The following DYNC1I1 variants were observed in gnomAD, a reference collection of about 807,000 sequenced individuals.
DYNC1I1 encodes the protein dynein cytoplasmic 1 intermediate chain 1, also known as cytoplasmic dynein 1 intermediate chain 1.
In DYNC1I1, 43 loss-of-function variants were observed where a neutral mutation model predicts 86.6. That is an observed-to-expected ratio of 0.50 (90% CI 0.39 to 0.64). The LOEUF (loss-of-function observed/expected upper bound fraction) is 0.64, where lower values mean the gene tolerates loss of function less well. Ranked by LOEUF, DYNC1I1 falls within the 30% of genes least tolerant of loss-of-function variation. The pLI is 0.00. For missense variants in DYNC1I1, 604 were observed against 788.8 expected, an observed-to-expected ratio of 0.77 and a Z score of 2.81; for synonymous variants, 262 against 283.7, an observed-to-expected ratio of 0.92 and a Z score of 0.77.
At chr7:96,026,038 A>T (rs1308440964) in intron 10 of DYNC1I1, among the ~76,000 whole-genome samples, 1 of 152,208 alleles carries the variant, frequency 6.6e-6, no homozygotes, top group Non-Finnish European at 1.5e-5. Context: ...CTCCAGCAAC[A>T]TAAGAATTTC....
intron 5 of DYNC1I1, among the ~76,000 whole-genome samples, chr7:95,844,231 C>A (rs979655671): frequency 6.6e-6 from 1 of 152,042 alleles, no homozygotes; most frequent in Non-Finnish European, 1.5e-5. Flanking sequence ...TCAGAAGCCT[C>A]GTGATTATAT....
At chr7:95,803,637 A>AT (rs1252364845) in intron 1 of DYNC1I1, among the ~76,000 whole-genome samples, 1 of 152,060 alleles carries the variant, frequency 6.6e-6, no homozygotes, top group Non-Finnish European at 1.5e-5. Flanking sequence ...ATTCTTTGGT[A>AT]TTTTTTTCCT....
intron 14 of DYNC1I1, among the ~76,000 whole-genome samples, chr7:96,047,455 A>G (rs1789252674): frequency 6.6e-6 from 1 of 152,218 alleles, no homozygotes; most frequent in African/African-American, 2.4e-5. Context: ...CTGAGGCGTG[A>G]GAACAGGATG....
At chr7:96,098,487 C>T (rs1301094379), downstream of DYNC1I1, 1 of 916,652 alleles carries the variant, frequency 1.1e-6, no homozygotes, top group Non-Finnish European at 1.3e-6. Context: ...TCTGCTGGGA[C>T]AAGAGATGGG....
At chr7:95,795,066 T>C (rs2706889) in intron 1 of DYNC1I1, among the ~76,000 whole-genome samples, 66,658 of 152,046 alleles carry the variant, frequency 0.44, 15,701 homozygotes, top group African/African-American at 0.6. Flanking sequence ...TTCAGAGGAA[T>C]GCTTTTCCTT....
At chr7:95,786,086 T>C (rs1794137942) in intron 1 of DYNC1I1, among the ~76,000 whole-genome samples, 1 of 152,072 alleles carries the variant, frequency 6.6e-6, no homozygotes, top group South Asian at 2.1e-4. Context: ...GACTCTTACA[T>C]GTTCTAAAAA....
intron 6 of DYNC1I1, among the ~76,000 whole-genome samples, chr7:95,932,581 C>T (rs1791926529): frequency 1.3e-5 from 2 of 152,206 alleles, no homozygotes; most frequent in African/African-American, 2.4e-5. Context: ...GTCAAGATCA[C>T]ACTGCATATA....
At chr7:96,107,733 T>C (rs1228044512) in intron 16 of DYNC1I1, among the ~76,000 whole-genome samples, 1 of 151,868 alleles carries the variant, frequency 6.6e-6, no homozygotes, top group African/African-American at 2.4e-5. Context: ...GGTTTCACCA[T>C]GTTAGGCTGG....
chr7:95,807,539 T>C (rs928873730), intron 2 of DYNC1I1, among the ~76,000 whole-genome samples: 1 of 152,094 alleles, frequency 6.6e-6, no homozygotes, highest in Non-Finnish European at 1.5e-5. Context: ...AAAATCCACA[T>C]TCCAGTCAGA....
intron 10 of DYNC1I1, among the ~76,000 whole-genome samples, chr7:96,023,483 C>T (rs1794603370): frequency 6.6e-6 from 1 of 152,180 alleles, no homozygotes; most frequent in African/African-American, 2.4e-5. Flanking sequence ...GAAGTACCAT[C>T]TCTAAGCTGG....
intron 6 of DYNC1I1, among the ~76,000 whole-genome samples, chr7:95,873,223 A>G (rs1186755627): frequency 6.6e-6 from 1 of 152,192 alleles, no homozygotes; most frequent in East Asian, 1.9e-4. Context: ...GAGTAATGCA[A>G]TAAAGAGGCC....
At chr7:95,896,398 A>T (rs891137168) in intron 6 of DYNC1I1, among the ~76,000 whole-genome samples, 2 of 152,220 alleles carry the variant, frequency 1.3e-5, no homozygotes, top group African/African-American at 4.8e-5. Context: ...ATGCGTGCTT[A>T]TATTACTTAA....
At chr7:95,925,047 T>C (rs1299175092) in intron 6 of DYNC1I1, among the ~76,000 whole-genome samples, 2 of 152,196 alleles carry the variant, frequency 1.3e-5, no homozygotes, top group South Asian at 2.1e-4. Flanking sequence ...TTTCTGTTGG[T>C]ATTCACAGAA....
At chr7:95,787,602 T>C (rs778020302) in intron 1 of DYNC1I1, among the ~76,000 whole-genome samples, 11 of 152,194 alleles carry the variant, frequency 7.2e-5, no homozygotes, top group Non-Finnish European at 1.5e-4. Context: ...TGCAGCCATA[T>C]TTATTCATTC....
chr7:95,961,609 G>T (rs1409405856), intron 6 of DYNC1I1, among the ~76,000 whole-genome samples: 1 of 152,136 alleles, frequency 6.6e-6, no homozygotes, highest in South Asian at 2.1e-4. Context: ...TCCCTGTATA[G>T]TAGGAGGTAA....
chr7:95,783,072 T>C (rs1391559856), intron 1 of DYNC1I1, among the ~76,000 whole-genome samples: 3 of 152,154 alleles, frequency 2.0e-5, no homozygotes, highest in African/African-American at 7.2e-5. Flanking sequence ...AAAACAGAAA[T>C]GCCTGTTCCC....
At chr7:96,043,781 G>A (rs1216863941) in intron 14 of DYNC1I1, among the ~76,000 whole-genome samples, 1 of 151,872 alleles carries the variant, frequency 6.6e-6, no homozygotes, top group Non-Finnish European at 1.5e-5. Flanking sequence ...CACCATCTCG[G>A]CTCACTGCAA....
At chr7:95,827,048 C>T (rs1054370572) in intron 4 of DYNC1I1, among the ~76,000 whole-genome samples, 4 of 152,110 alleles carry the variant, frequency 2.6e-5, no homozygotes, top group African/African-American at 7.2e-5. Flanking sequence ...TGGGGTGGGA[C>T]GTGAGTTTCT....
intron 4 of DYNC1I1, among the ~76,000 whole-genome samples, chr7:95,816,672 G>C (rs1013569720): frequency 6.6e-6 from 1 of 152,042 alleles, no homozygotes; most frequent in Non-Finnish European, 1.5e-5. Context: ...TTGATATACT[G>C]TATGCAACTG....
Sources: allele counts gnomAD v4.1 joint callset (sites outside exome capture counted in the v4.1 genomes callset), GRCh38; gene constraint gnomAD v4.1.1; transcripts MANE v1.5; gene names NCBI Gene and HGNC (gene_info 2026-07-23, HGNC 2026-07-21).